The following CD96 variants were observed in gnomAD, a reference collection of about 807,000 sequenced individuals.
CD96 encodes the protein CD96 molecule, also known as T-cell surface protein tactile.
In CD96, 70 loss-of-function variants were observed where a neutral mutation model predicts 71.3. The observed-to-expected ratio is 0.98, with a 90% CI of 0.81 to 1.20. The LOEUF (loss-of-function observed/expected upper bound fraction) is 1.20, where lower values mean the gene tolerates loss of function less well. Ranked by LOEUF, CD96 falls within the 50% of genes most tolerant of loss-of-function variation. The probability of loss-of-function intolerance (pLI) is 0.00; values close to 1 mark genes in which losing one functional copy is unlikely to be tolerated. For missense variants in CD96, 742 were observed against 677.5 expected, an observed-to-expected ratio of 1.10 and a Z score of -1.06; for synonymous variants, 248 against 233.0, an observed-to-expected ratio of 1.06 and a Z score of -0.59.
chr3:111,582,540 T>G (rs913148818), intron 4 of CD96, among the ~76,000 whole-genome samples: 69 of 152,180 alleles, frequency 4.5e-4, no homozygotes, highest in Non-Finnish European at 6.6e-4. Context: ...TCAGGGACCT[T>G]TATAATGAGA....
chr3:111,587,743 G>T (rs1264452604), intron 5 of CD96, among the ~76,000 whole-genome samples: 2 of 152,164 alleles, frequency 1.3e-5, no homozygotes, highest in African/African-American at 4.8e-5. Flanking sequence ...CTCAATTCTT[G>T]ACTTCTGTGC....
Position 111,594,189 on chromosome 3 carries a change from C to T in CD96, c.808-3931C>T, listed in dbSNP as rs763203398. Reference sequence around the variant, plus strand: ...ATTGTTCCCTCCTCTTCCTCGTCTTCCCGCCTCATCATGTCACCTCTTCTA... The same window carrying T: ...ATTGTTCCCTCCTCTTCCTCGTCTTTCCGCCTCATCATGTCACCTCTTCTA... On this transcript the variant is annotated intron_variant, in intron 5 of 13. Coordinates refer to ENST00000352690, the MANE Select transcript of CD96 (RefSeq NM_005816.5). 4 of 1,594,130 alleles carry T rather than the reference C, an allele frequency of 2.5e-6. No homozygotes were observed. The South Asian group carries it at 4.6e-5, about 18-fold the overall frequency.
chr3:111,625,146 A>C (rs140228685), intron 10 of CD96, among the ~76,000 whole-genome samples: 51 of 152,338 alleles, frequency 3.3e-4, no homozygotes, highest in African/African-American at 1.2e-3. Context: ...AAAACCTTTA[A>C]AAATATTTCA....
intron 12 of CD96, among the ~76,000 whole-genome samples, chr3:111,647,026 G>A (rs951970648): frequency 6.7e-6 from 1 of 149,026 alleles, no homozygotes; most frequent in African/African-American, 2.5e-5. Context: ...GAGTACATAT[G>A]GACACAAAGA....
intron 3 of CD96, among the ~76,000 whole-genome samples, chr3:111,569,545 A>G (rs1157347551): frequency 6.6e-6 from 1 of 152,228 alleles, no homozygotes; most frequent in African/African-American, 2.4e-5. Context: ...AATGAAATGC[A>G]TAGCTTGCTT....
chr3:111,652,498 G>C (rs1193227944), downstream of CD96: 1 of 152,080 alleles, frequency 6.6e-6, no homozygotes, highest in African/African-American at 2.4e-5. Context: ...TTTCACTAAA[G>C]GGAGAGACAG....
chr3:111,652,613 T>A (rs771275457), downstream of CD96, among the ~76,000 whole-genome samples: 1 of 152,164 alleles, frequency 6.6e-6, no homozygotes, highest in Non-Finnish European at 1.5e-5. Context: ...TCTTTTAGTA[T>A]CGTAATTAAG....
intron 2 of CD96, among the ~76,000 whole-genome samples, chr3:111,553,770 A>T (rs1230127099): frequency 1.3e-5 from 2 of 151,990 alleles, no homozygotes; most frequent in Non-Finnish European, 1.5e-5. Flanking sequence ...TAAGTATTTT[A>T]TGTTAAGTAT....
intron 3 of CD96, among the ~76,000 whole-genome samples, chr3:111,570,203 A>C (rs544293343): frequency 6.6e-6 from 1 of 152,250 alleles, no homozygotes; most frequent in Non-Finnish European, 1.5e-5. Context: ...TGCTGCCTGG[A>C]GGGCTCAGGT....
chr3:111,556,701 G>C (rs912359362), intron 2 of CD96, among the ~76,000 whole-genome samples: 11 of 145,938 alleles, frequency 7.5e-5, no homozygotes, highest in African/African-American at 2.6e-4. Flanking sequence ...ATGATTTATA[G>C]TCATTTGGGT....
At chr3:111,616,086 CT>C (rs1938220476) in intron 8 of CD96, among the ~76,000 whole-genome samples, 1 of 152,104 alleles carries the variant, frequency 6.6e-6, no homozygotes, top group African/African-American at 2.4e-5. Context: ...TCCTGTTCCC[CT>C]TTTTTGGCTG....
chr3:111,566,182 A>G (rs1935702584), intron 2 of CD96, among the ~76,000 whole-genome samples: 1 of 151,672 alleles, frequency 6.6e-6, no homozygotes, highest in Admixed American at 6.6e-5. Flanking sequence ...TATAACATAT[A>G]TATATATATT....
At chr3:111,626,306 C>CAAAAAAAAAAAAAAAAAAA (rs71131971) in intron 10 of CD96, among the ~76,000 whole-genome samples, 1 of 74,708 alleles carries the variant, frequency 1.3e-5, no homozygotes, top group Non-Finnish European at 2.3e-5. Context: ...GACTCCGTCT[C>CAAAAAAAAAAAAAAAAAAA]AAAAAAAAAA....
intron 14 of CD96, among the ~76,000 whole-genome samples, chr3:111,658,903 A>C (rs760296093): frequency 6.6e-6 from 1 of 152,214 alleles, no homozygotes; most frequent in Non-Finnish European, 1.5e-5. Context: ...CTGGCTTCAG[A>C]GAATGAGTTA....
chr3:111,606,200 A>G (rs1391854235), intron 7 of CD96, among the ~76,000 whole-genome samples: 1 of 152,248 alleles, frequency 6.6e-6, no homozygotes, highest in Non-Finnish European at 1.5e-5. Flanking sequence ...TAGAAAGCAG[A>G]AAAACATCAC....
At chr3:111,660,762 A>G (rs1226098408) in intron 14 of CD96, among the ~76,000 whole-genome samples, 2 of 152,230 alleles carry the variant, frequency 1.3e-5, no homozygotes, top group East Asian at 3.8e-4. Flanking sequence ...CAAACAAGCA[A>G]TGGGGAAAGA....
intron 4 of CD96, 23 bp downstream of exon 4, chr3:111,579,257 C>T (rs368513585): frequency 3.9e-6 from 5 of 1,268,870 alleles, no homozygotes; most frequent in Admixed American, 1.7e-5. Flanking sequence ...GTTCTACAGA[C>T]TCACTGGCAT....
intron 10 of CD96, chr3:111,633,963 G>C (rs1336703471): frequency 6.5e-6 from 1 of 152,776 alleles, no homozygotes; most frequent in African/African-American, 2.4e-5. Flanking sequence ...AGTCTGCTGT[G>C]CATGTAAAAA....
At chr3:111,621,637 A>G (rs1168893837) in intron 8 of CD96, among the ~76,000 whole-genome samples, 1 of 152,210 alleles carries the variant, frequency 6.6e-6, no homozygotes, top group Non-Finnish European at 1.5e-5. Context: ...TTGGTGATCC[A>G]TAGGTTTGTA....
Sources: allele counts gnomAD v4.1 joint callset (sites outside exome capture counted in the v4.1 genomes callset), GRCh38; gene constraint gnomAD v4.1.1; transcripts MANE v1.5; gene names NCBI Gene and HGNC (gene_info 2026-07-23, HGNC 2026-07-21).